Variants in HIVEP1 observed in about 807,000 individuals in gnomAD.
HIVEP1 encodes HIVEP zinc finger 1, also known as zinc finger protein 40.
Under a neutral mutation model 180.0 loss-of-function variants are expected in HIVEP1, and 36 were observed. The observed-to-expected ratio is 0.20, with a 90% CI of 0.15 to 0.26. The LOEUF is 0.26. HIVEP1 is among the 10% of genes least tolerant of loss of function. The probability of loss-of-function intolerance (pLI) is 1.00; values close to 1 mark genes in which losing one functional copy is unlikely to be tolerated. For missense variants in HIVEP1, 3,143 were observed against 3,268.7 expected, an observed-to-expected ratio of 0.96 and a Z score of 0.94; for synonymous variants, 1,239 against 1,239.0, an observed-to-expected ratio of 1.00 and a Z score of 0.00.
At chr6:12,113,455 G>A (rs1775031369) in intron 3 of HIVEP1, among the ~76,000 whole-genome samples, 1 of 152,056 alleles carries the variant, frequency 6.6e-6, no homozygotes, top group Non-Finnish European at 1.5e-5. Flanking sequence ...AGCGGAGTGA[G>A]TCAGGGGAAA....
intron 2 of HIVEP1, among the ~76,000 whole-genome samples, chr6:12,045,562 G>A (rs937117969): frequency 3.9e-5 from 6 of 152,204 alleles, no homozygotes; most frequent in African/African-American, 1.4e-4. Context: ...GCACAGCCTT[G>A]AGATAGCCCA....
In HIVEP1 at chr6:12,123,606, A is replaced by C. The variant is rs1214015004; in HGVS notation, c.3811A>C (p.Lys1271Gln). The part of the protein sequence containing the change: ...SWPQRSETLS[K>Q]LPTEKLPPKK... The stretch of plus-strand genomic sequence containing the variant: ...GCCCCAGCGTAGTGAAACCTTGTCA[A>C]AATTGCCAACAGAGAAACTGCCACC... The change falls in exon 4 of 9, where the codon AAA (lysine) becomes CAA (glutamine). Residue 1271 changes from lysine to glutamine, a missense_variant. Lys to Gln is a moderately conservative substitution (Grantham distance 53, BLOSUM62 1). This residue lies in a region of HIVEP1 where 1,357 missense variants were observed against 1,260.5 expected (regional missense o/e 1.08). Transcript: ENST00000379388. The C allele has an allele frequency of 1.9e-6, 3 of 1,614,152 alleles. No individual in the cohort carries two copies. Among genetic ancestry groups the C allele is most frequent in the East Asian group, 4.5e-5 (2 of 44,884 alleles).
chr6:12,031,210 T>C (rs1395064389), intron 2 of HIVEP1, among the ~76,000 whole-genome samples: 2 of 152,222 alleles, frequency 1.3e-5, no homozygotes, highest in African/African-American at 4.8e-5. Flanking sequence ...CAGGCAGTTC[T>C]CACATCTGTC....
chr6:12,021,557 A>G (rs985973550), intron 2 of HIVEP1, among the ~76,000 whole-genome samples: 17 of 152,164 alleles, frequency 1.1e-4, no homozygotes, highest in Non-Finnish European at 2.1e-4. Context: ...TGTACTTACA[A>G]TATTACATCA....
At chr6:12,179,238 T>C in the HIVEP1 span, among the ~76,000 whole-genome samples, 2 of 152,100 alleles carry the variant, frequency 1.3e-5, no homozygotes, top group Non-Finnish European at 2.9e-5. Flanking sequence ...GATTAATATA[T>C]AGATAGGGAC....
downstream of HIVEP1, among the ~76,000 whole-genome samples, chr6:12,169,888 A>G (rs953581194): frequency 1.3e-5 from 2 of 152,134 alleles, no homozygotes; most frequent in African/African-American, 4.8e-5. Flanking sequence ...CGGGAGGCCA[A>G]GGTGGGCAGA....
chr6:12,081,017 C>A (rs1273685813), intron 2 of HIVEP1, among the ~76,000 whole-genome samples: 1 of 152,138 alleles, frequency 6.6e-6, no homozygotes, highest in Non-Finnish European at 1.5e-5. Context: ...TCCTATTCAG[C>A]CATCTGCTCT....
downstream of HIVEP1, among the ~76,000 whole-genome samples, chr6:12,168,327 T>TATG (rs1562024998): frequency 0.047 from 1,477 of 31,150 alleles, 21 homozygotes; most frequent in Middle Eastern, 0.08. Context: ...TACATATATA[T>TATG]TATATAATTA....
intron 2 of HIVEP1, among the ~76,000 whole-genome samples, chr6:12,067,696 C>T (rs1771689100): frequency 6.6e-6 from 1 of 152,038 alleles, no homozygotes. Flanking sequence ...GCTTGTGTCC[C>T]CAATTCCTGC....
At chr6:12,208,922 C>A in the HIVEP1 span, among the ~76,000 whole-genome samples, 1 of 152,188 alleles carries the variant, frequency 6.6e-6, no homozygotes, top group East Asian at 1.9e-4. Context: ...GTTTATGCAA[C>A]CTTTTCCTTC....
chr6:12,086,229 C>T (rs982355886), intron 2 of HIVEP1, among the ~76,000 whole-genome samples: 5 of 152,114 alleles, frequency 3.3e-5, no homozygotes, highest in African/African-American at 1.2e-4. Flanking sequence ...TTGCTGGGAT[C>T]TTTCTTCCAA....
intron 2 of HIVEP1, among the ~76,000 whole-genome samples, chr6:12,060,810 C>A (rs969288820): frequency 1.3e-5 from 2 of 152,124 alleles, no homozygotes; most frequent in Non-Finnish European, 1.5e-5. Context: ...TGGGAAGGTA[C>A]TCTCGGATGC....
intron 2 of HIVEP1, among the ~76,000 whole-genome samples, chr6:12,043,025 G>A (rs1249903854): frequency 6.6e-6 from 1 of 152,078 alleles, no homozygotes; most frequent in African/African-American, 2.4e-5. Flanking sequence ...ATCTTTTCTC[G>A]CAGAATTGCC....
intron 3 of HIVEP1, among the ~76,000 whole-genome samples, chr6:12,092,570 G>C (rs1373332242): frequency 6.6e-6 from 1 of 152,074 alleles, no homozygotes; most frequent in East Asian, 1.9e-4. Context: ...TGAATGTTCA[G>C]CTCTACAAAA....
chr6:12,082,526 C>G (rs1581648090), intron 2 of HIVEP1, among the ~76,000 whole-genome samples: 1 of 152,104 alleles, frequency 6.6e-6, no homozygotes. Context: ...CATAGAAAGC[C>G]CTATTTTTGC....
chr6:12,089,777 A>G (rs1375564412), intron 3 of HIVEP1, among the ~76,000 whole-genome samples: 1 of 152,114 alleles, frequency 6.6e-6, no homozygotes, highest in African/African-American at 2.4e-5. Flanking sequence ...AAGAAAAATA[A>G]CATTGCAATG....
chr6:12,122,959 C>A lies in HIVEP1; in HGVS notation c.3164C>A (p.Ser1055Tyr). Reference sequence around the variant, plus strand: ...GAAAGTGGAACATCTCCAAAAAGTTCTGAAGGCCTTCAGTTTCAGAATGCT... The same window carrying A: ...GAAAGTGGAACATCTCCAAAAAGTTATGAAGGCCTTCAGTTTCAGAATGCT... ...QNESGTSPKS[S>Y]EGLQFQNALG... Residue 1055 changes from serine (S) to tyrosine (Y), a missense_variant, in exon 4 of 9, where the codon TCT (serine) becomes TAT (tyrosine). Physicochemically the swap from Ser to Tyr is moderately radical, Grantham distance 144. This residue lies in a region of HIVEP1 where 1,357 missense variants were observed against 1,260.5 expected (regional missense o/e 1.08). Transcript: ENST00000379388. 1 of 1,613,938 alleles carries A rather than the reference C, an allele frequency of 6.2e-7. No homozygotes were observed. The highest frequency in any genetic ancestry group is 2.2e-5 in the East Asian group (1 of 44,888).
intron 3 of HIVEP1, among the ~76,000 whole-genome samples, chr6:12,094,178 A>G (rs1417283712): frequency 6.6e-6 from 1 of 151,956 alleles, no homozygotes; most frequent in Non-Finnish European, 1.5e-5. Flanking sequence ...TAAAAATGCA[A>G]TATATTTTTG....
chr6:12,144,387 G>T (rs1350453061), intron 7 of HIVEP1, among the ~76,000 whole-genome samples: 1 of 152,142 alleles, frequency 6.6e-6, no homozygotes, highest in African/African-American at 2.4e-5. Context: ...ATTCAAGATG[G>T]GTTAAAGACT....
Sources: allele counts gnomAD v4.1 joint callset (sites outside exome capture counted in the v4.1 genomes callset), GRCh38; gene constraint gnomAD v4.1.1; regional missense constraint gnomAD v4.1.1; transcripts MANE v1.5; gene names NCBI Gene and HGNC (gene_info 2026-07-23, HGNC 2026-07-21).